GINM1: variants seen among roughly 807,000 people sequenced by gnomAD.
GINM1 encodes glycoprotein integral membrane protein 1.
In GINM1, 29 loss-of-function variants were observed where a neutral mutation model predicts 37.8. The observed-to-expected ratio is 0.77, with a 90% CI of 0.57 to 1.05. The LOEUF is 1.05. Ranked by LOEUF, GINM1 falls within the 50% of genes least tolerant of loss-of-function variation. The probability of loss-of-function intolerance (pLI) is 0.00; values close to 1 mark genes in which losing one functional copy is unlikely to be tolerated. For synonymous variants in GINM1, 143 were observed against 146.2 expected (o/e 0.98, Z 0.16); for missense variants, 377 against 397.9 (o/e 0.95, Z 0.45).
At chr6:149,572,466 T>C in intron 2 of GINM1, 41 bp from the exon 3 acceptor site, 1 of 1,352,516 alleles carries the variant, frequency 7.4e-7, no homozygotes, top group Non-Finnish European at 1.0e-6. Context: ...TGCTATTGTT[T>C]ATAAATATTG....
Position 149,566,434 on chromosome 6 carries a change from G to T in GINM1, c.20G>T (p.Gly7Val), listed in dbSNP as rs562448511. The T allele has an allele frequency of 1.9e-4, 302 of 1,572,450 alleles. 7 individuals carry two copies. The South Asian group carries it at 3.4e-3, about 18-fold the overall frequency. The stretch of plus-strand genomic sequence containing the variant: ...TCCAAGATGGAGGGCGCTCCACCGG[G>T]GTCGCTCGCCCTCCGGCTCCTGCTG... MEGAPPGSLALRLLLFV... is the reference protein window; with the variant it reads MEGAPPVSLALRLLLFV... The change falls in exon 1 of 8, where the codon GGG becomes GTG. Residue 7 changes from glycine (G) to valine (V), a missense_variant. Transcript: ENST00000367419. The surrounding 1 kb of genome is among the most constrained non-coding windows in gnomAD (Gnocchi z 4.4).
chr6:149,574,161 C>A (rs1473340246), intron 3 of GINM1, among the ~76,000 whole-genome samples: 1 of 151,496 alleles, frequency 6.6e-6, no homozygotes, highest in Non-Finnish European at 1.5e-5. Context: ...AGTGATTCTC[C>A]TGCCTCAGCC....
At chr6:149,585,800 G>C (rs1778062428) in intron 7 of GINM1, among the ~76,000 whole-genome samples, 1 of 152,112 alleles carries the variant, frequency 6.6e-6, no homozygotes, top group South Asian at 2.1e-4. Context: ...CACTGTGTTA[G>C]CCAGGATGGT....
intron 7 of GINM1, among the ~76,000 whole-genome samples, chr6:149,588,795 TTTGTTG>T (rs535417334): frequency 2.7e-4 from 41 of 150,958 alleles, no homozygotes; most frequent in African/African-American, 9.2e-4. Context: ...GCCTGGCTAA[TTTGTTG>T]TTGTTGTTGT....
At chr6:149,578,423 G>C (rs1777947597) in intron 3 of GINM1, among the ~76,000 whole-genome samples, 1 of 151,314 alleles carries the variant, frequency 6.6e-6, no homozygotes, top group Admixed American at 6.6e-5. Context: ...CTACTTGGGA[G>C]GCTGAGGCAG....
rs564383255 is a variant in GINM1, at chr6:149,577,762, A to T, written c.278-1060A>T. 5.5e-4 allele frequency among the ~76,000 whole-genome samples: 84 copies of T among 152,180 alleles called. 1 individual carries two copies. The highest frequency in any genetic ancestry group is 8.1e-4 in the Non-Finnish European group (55 of 68,016). On this transcript the variant is annotated intron_variant, in intron 3 of 7. Transcript: ENST00000367419. ...CCTGTTTGGCAAAAATCTTCAGATT[A>T]TTTGAGGGATAGAAATAAAATGCTC... is the stretch of plus-strand genomic sequence containing the variant.
At chr6:149,580,501 C>T in intron 5 of GINM1, 92 bp from the exon 6 acceptor site, 1 of 1,134,938 alleles carries the variant, frequency 8.8e-7, no homozygotes, top group Non-Finnish European at 1.3e-6. Context: ...AATATGTGTT[C>T]TTACTATCCT....
Position 149,579,999 on chromosome 6 carries a change from A to C in GINM1, c.586+9A>C, listed in dbSNP as rs768250214. On this transcript the variant is annotated intron_variant, in intron 5 of 7. Coordinates refer to ENST00000367419, the MANE Select transcript of GINM1 (RefSeq NM_138785.5). ...TAACCTCTCCAAAAAAGGTAACTTAAAAGACCATTATTTAAAGTATTAAGG... is the reference window on the plus strand; with the variant it reads ...TAACCTCTCCAAAAAAGGTAACTTACAAGACCATTATTTAAAGTATTAAGG... 1.3e-6 allele frequency: 2 copies of C among 1,526,910 alleles called. No homozygotes were observed. Among genetic ancestry groups the C allele is most frequent in the Non-Finnish European group, 1.8e-6 (2 of 1,118,688 alleles). The allele number at this position is 1,526,910 out of a possible 1,614,324, so 94.6% of individuals were successfully genotyped here.
chr6:149,569,637 C>T (rs1777779289), intron 1 of GINM1, among the ~76,000 whole-genome samples: 1 of 152,060 alleles, frequency 6.6e-6, no homozygotes, highest in African/African-American at 2.4e-5. Flanking sequence ...CATGCCCGAC[C>T]GAAAAATAAA....
chr6:149,578,819 TAGTGAAG>T lies in GINM1; in HGVS notation c.278-1_283del. 6.4e-7 allele frequency: 1 copy of T among 1,550,394 alleles called. No homozygotes were observed. The highest frequency in any genetic ancestry group is 1.8e-5 in the Admixed American group (1 of 54,262). ...AAAGGTGTCACTACTTTTTTTTTTA[TAGTGAAG>T]AATGAAAATCTTGAAAATTTGGAGG... On this transcript the variant is annotated splice_acceptor_variant and coding_sequence_variant, in exon 4 of 8. Coordinates refer to ENST00000367419, the MANE Select transcript of GINM1 (RefSeq NM_138785.5). LOFTEE classifies it high-confidence loss of function.
rs1490383243 is a variant in GINM1 at position 149,591,562 on chromosome 6, ATTTT to A, written c.*728_*731del. On this transcript the variant is annotated 3_prime_UTR_variant, in exon 8 of 8. Transcript: ENST00000367419. The stretch of plus-strand genomic sequence containing the variant: ...TTAAAAGGTCAAGAACTTAACACTT[ATTTT>A]TTTATTCAGTACAGTGTGCCTTTAT... 1.3e-5 allele frequency: 2 copies of A among 151,604 alleles called. No homozygotes were observed. Among genetic ancestry groups the A allele is most frequent in the East Asian group, 1.9e-4 (1 of 5,190 alleles). The allele number at this position is 151,604 out of a possible 1,614,324, so 9.4% of individuals were successfully genotyped here. A position where few individuals can be genotyped will look rare whatever the true frequency, so the allele number is the denominator to read the frequency against.
intron 1 of GINM1, among the ~76,000 whole-genome samples, chr6:149,569,465 G>T (rs1777775709): frequency 1.3e-5 from 2 of 149,484 alleles, no homozygotes; most frequent in Non-Finnish European, 3.0e-5. Flanking sequence ...CAGCCTCCCA[G>T]ATAGCTGGGA....
chr6:149,575,702 G>A (rs1777903970), intron 3 of GINM1, among the ~76,000 whole-genome samples: 1 of 152,210 alleles, frequency 6.6e-6, no homozygotes, highest in African/African-American at 2.4e-5. Flanking sequence ...TTCTTTGCAA[G>A]TGGTTCATTG....
chr6:149,584,732 A>G (rs1301814219), intron 7 of GINM1, among the ~76,000 whole-genome samples: 1 of 151,732 alleles, frequency 6.6e-6, no homozygotes, highest in Admixed American at 6.6e-5. Flanking sequence ...CCAAAATCCA[A>G]AATGCTCTTG....
intron 1 of GINM1, among the ~76,000 whole-genome samples, chr6:149,571,629 G>A (rs1777823724): frequency 6.6e-6 from 1 of 152,006 alleles, no homozygotes; most frequent in African/African-American, 2.4e-5. Context: ...ATTCCTTCTG[G>A]GGGGATAGAG....
chr6:149,590,662 C>T (rs1162219926), intron 7 of GINM1, 65 bp from the exon 8 acceptor site: 2 of 830,068 alleles, frequency 2.4e-6, no homozygotes, highest in Non-Finnish European at 4.0e-6. Flanking sequence ...AGCCTTTTCT[C>T]ACTATCAAAC....
In GINM1 at chr6:149,566,393, C is replaced by A; in HGVS notation, c.-22C>A. The A allele has an allele frequency of 6.5e-7, 1 of 1,527,704 alleles. No homozygotes were observed. The highest frequency in any genetic ancestry group is 8.7e-7 in the Non-Finnish European group (1 of 1,147,512). 94.6% of individuals were successfully genotyped at this position (1,527,704 alleles called of 1,614,324 possible). ...CGCCCTCACCTCCCGGCCGCGGCTG[C>A]CCTCTGCCCGGGTTGTCCAAGATGG... On this transcript the variant is annotated 5_prime_UTR_variant, in exon 1 of 8. Transcript: ENST00000367419. The surrounding 1 kb of genome is among the most constrained non-coding windows in gnomAD (Gnocchi z 4.4).
intron 3 of GINM1, among the ~76,000 whole-genome samples, chr6:149,578,570 GTGGTATTTCATA>G (rs1278047204): frequency 6.6e-6 from 1 of 150,684 alleles, no homozygotes. Flanking sequence ...TGTTGCTAGT[GTGGTATTTCATA>G]CAAAGTCTAA....
intron 3 of GINM1, among the ~76,000 whole-genome samples, chr6:149,573,215 G>A (rs941106703): frequency 1.3e-5 from 2 of 152,142 alleles, no homozygotes; most frequent in African/African-American, 4.8e-5. Flanking sequence ...TGAGGCAGGA[G>A]AATCGTTTGA....
Sources: allele counts gnomAD v4.1 joint callset (sites outside exome capture counted in the v4.1 genomes callset), GRCh38; gene constraint gnomAD v4.1.1; non-coding constraint Gnocchi (gnomAD v3.1); transcripts MANE v1.5; gene names NCBI Gene and HGNC (gene_info 2026-07-23, HGNC 2026-07-21).